PPFIBP1: variants seen among roughly 807,000 people sequenced by gnomAD.
The protein encoded by PPFIBP1 is PPFIB scaffold protein 1.
PPFIBP1 carries 112 observed loss-of-function variants against 137.8 expected under a neutral mutation model. The observed-to-expected ratio is 0.81, with a 90% CI of 0.70 to 0.95. The LOEUF (loss-of-function observed/expected upper bound fraction) is 0.95. Among genes scored for constraint, PPFIBP1 ranks in the 40% least tolerant of loss-of-function variants. PPFIBP1 has a pLI of 0.00. For missense variants in PPFIBP1, 1,083 were observed against 1,196.6 expected, an observed-to-expected ratio of 0.91 and a Z score of 1.40; for synonymous variants, 378 against 417.3, an observed-to-expected ratio of 0.91 and a Z score of 1.15.
chr12:27,586,910 A>T (rs1332166493), intron 2 of PPFIBP1, among the ~76,000 whole-genome samples: 1 of 152,202 alleles, frequency 6.6e-6, no homozygotes, highest in Non-Finnish European at 1.5e-5. Context: ...GAAACAAAAA[A>T]TTTAAAAGAT....
chr12:27,686,581 C>G (rs1447164224), intron 24 of PPFIBP1, among the ~76,000 whole-genome samples: 2 of 152,144 alleles, frequency 1.3e-5, no homozygotes, highest in African/African-American at 4.8e-5. Context: ...CAAAATTGTT[C>G]ACAATGTCTG....
intron 1 of PPFIBP1, among the ~76,000 whole-genome samples, chr12:27,563,967 T>G (rs951933757): frequency 4.6e-5 from 7 of 151,744 alleles, no homozygotes; most frequent in Non-Finnish European, 8.8e-5. Flanking sequence ...CCGCCTCCTG[T>G]GTTCAAGCGA....
chr12:27,631,158 T>A (rs2057238252), intron 2 of PPFIBP1, among the ~76,000 whole-genome samples: 1 of 151,934 alleles, frequency 6.6e-6, no homozygotes, highest in African/African-American at 2.4e-5. Context: ...TACTCCTCAT[T>A]TATTACTGAT....
At chr12:27,680,891 G>C (rs1009370421) in intron 21 of PPFIBP1, among the ~76,000 whole-genome samples, 1 of 152,122 alleles carries the variant, frequency 6.6e-6, no homozygotes, top group Non-Finnish European at 1.5e-5. Context: ...ACTGGACATA[G>C]GTTACATCAA....
At chr12:27,621,447 A>C (rs1383868338) in intron 2 of PPFIBP1, among the ~76,000 whole-genome samples, 1 of 152,230 alleles carries the variant, frequency 6.6e-6, no homozygotes, top group Non-Finnish European at 1.5e-5. Context: ...ATTACCCCTT[A>C]GTATTTGGCT....
At chr12:27,535,078 A>T (rs1944842640) in intron 1 of PPFIBP1, among the ~76,000 whole-genome samples, 1 of 152,202 alleles carries the variant, frequency 6.6e-6, no homozygotes, top group Non-Finnish European at 1.5e-5. Flanking sequence ...TAGGCATAAT[A>T]TTCTTGAGTT....
At chr12:27,664,677 A>G (rs1306290005) in intron 12 of PPFIBP1, among the ~76,000 whole-genome samples, 1 of 152,080 alleles carries the variant, frequency 6.6e-6, no homozygotes, top group Non-Finnish European at 1.5e-5. Context: ...AGTTGATGAG[A>G]TAGCATTCCA....
chr12:27,598,700 C>T (rs766802920), intron 2 of PPFIBP1, among the ~76,000 whole-genome samples: 25 of 152,144 alleles, frequency 1.6e-4, no homozygotes, highest in African/African-American at 3.4e-4. Context: ...AGCAATGACA[C>T]GCATCATCCT....
chr12:27,592,934 G>A (rs567752984), intron 2 of PPFIBP1, among the ~76,000 whole-genome samples: 17 of 152,078 alleles, frequency 1.1e-4, no homozygotes, highest in African/African-American at 4.1e-4. Flanking sequence ...GAGGTCAGGA[G>A]GTCGAGACAA....
chr12:27,683,245 T>C (rs540361633), intron 24 of PPFIBP1, among the ~76,000 whole-genome samples: 1 of 152,270 alleles, frequency 6.6e-6, no homozygotes, highest in Non-Finnish European at 1.5e-5. Flanking sequence ...TTTGTATTTT[T>C]AGTAGAGACG....
intron 2 of PPFIBP1, among the ~76,000 whole-genome samples, chr12:27,606,292 A>C (rs1044020209): frequency 2.0e-5 from 3 of 151,798 alleles, no homozygotes; most frequent in Non-Finnish European, 2.9e-5. Context: ...AACTGTTTTG[A>C]CAGTGGATCT....
rs1021393029 is a variant in PPFIBP1 at position 27,692,046 on chromosome 12, A to C, written c.2865+118A>C. ...TCTTCAAATAACTAAAAATACAGAT[A>C]ATAATAGTGAACACTTAGAGATCAC... On this transcript the variant is annotated intron_variant, in intron 28 of 29. Coordinates refer to ENST00000228425, the MANE Select transcript of PPFIBP1 (RefSeq NM_003622.4). 3.5e-6 allele frequency: 3 copies of C among 855,812 alleles called. No individual in the cohort carries two copies. In the African/African-American group the frequency reaches 5.2e-5, roughly 15 times the overall value. The allele number at this position is 855,812 out of a possible 1,614,324, so 53.0% of individuals were successfully genotyped here.
At chr12:27,611,789 T>G (rs1419513240) in intron 2 of PPFIBP1, among the ~76,000 whole-genome samples, 18 of 64,830 alleles carry the variant, frequency 2.8e-4, no homozygotes, top group Non-Finnish European at 5.0e-4. Flanking sequence ...CACTGTGCTC[T>G]CTCTCTCTCT....
chr12:27,662,512 G>C (rs942862615), intron 11 of PPFIBP1, among the ~76,000 whole-genome samples: 1 of 152,198 alleles, frequency 6.6e-6, no homozygotes, highest in Admixed American at 6.5e-5. Flanking sequence ...TTGAAGTAAG[G>C]CAATAGCAGT....
intron 2 of PPFIBP1, chr12:27,592,558 G>T: frequency 1.5e-6 from 2 of 1,356,650 alleles, no homozygotes; most frequent in Non-Finnish European, 2.1e-6. Flanking sequence ...ACTCTTGGTG[G>T]CTTTCACAGG....
intron 2 of PPFIBP1, among the ~76,000 whole-genome samples, chr12:27,590,111 A>T (rs969222656): frequency 2.6e-5 from 4 of 152,230 alleles, no homozygotes; most frequent in African/African-American, 9.6e-5. Context: ...CATTAAAAAC[A>T]TTTAAAGAAT....
intron 17 of PPFIBP1, among the ~76,000 whole-genome samples, chr12:27,674,689 T>C (rs1404410725): frequency 6.6e-6 from 1 of 152,144 alleles, no homozygotes; most frequent in African/African-American, 2.4e-5. Context: ...TGAGCTTCCT[T>C]AGACCTCCCC....
intron 2 of PPFIBP1, chr12:27,599,272 C>G (rs930465238): frequency 7.8e-6 from 2 of 256,922 alleles, no homozygotes; most frequent in African/African-American, 4.5e-5. Flanking sequence ...GGACATCATC[C>G]TATCCATTGA....
At chr12:27,549,233 TCTTGA>T (rs959464769) in intron 1 of PPFIBP1, 13 of 136,356 alleles carry the variant, frequency 9.5e-5, no homozygotes, top group African/African-American at 3.0e-4. Flanking sequence ...CTTCTGCAGC[TCTTGA>T]CTTGGATGAT....
Sources: allele counts gnomAD v4.1 joint callset (sites outside exome capture counted in the v4.1 genomes callset), GRCh38; gene constraint gnomAD v4.1.1; transcripts MANE v1.5; gene names NCBI Gene and HGNC (gene_info 2026-07-23, HGNC 2026-07-21).